Variants in ATRNL1 observed in about 807,000 individuals in gnomAD.
ATRNL1 encodes attractin-like protein 1.
Under a neutral mutation model 182.7 loss-of-function variants are expected in ATRNL1, and 95 were observed. The ratio of observed to expected loss-of-function variants is 0.52; its 90% CI spans 0.44 to 0.62. The LOEUF (loss-of-function observed/expected upper bound fraction) is 0.62, where lower values mean the gene tolerates loss of function less well. Among genes scored for constraint, ATRNL1 ranks in the 20% least tolerant of loss-of-function variants. ATRNL1 has a pLI of 0.00. For missense variants in ATRNL1, 1,471 were observed against 1,679.5 expected (o/e 0.88, Z 2.17); for synonymous variants, 576 against 568.3 (o/e 1.01, Z -0.19).
intron 8 of ATRNL1, among the ~76,000 whole-genome samples, chr10:115,206,146 T>G (rs1848787186): frequency 6.6e-6 from 1 of 152,154 alleles, no homozygotes; most frequent in South Asian, 2.1e-4. Context: ...CACTTCTTTC[T>G]GGCCTTTATG....
intron 25 of ATRNL1, among the ~76,000 whole-genome samples, chr10:115,535,524 A>G (rs529570245): frequency 6.6e-6 from 1 of 151,456 alleles, no homozygotes; most frequent in Non-Finnish European, 1.5e-5. Context: ...TTTTTTTCAA[A>G]GTTTTCAACT....
At position 115,334,370 on chromosome 10, in the gene ATRNL1, T is replaced by G. The variant is rs1855380160; in HGVS notation, c.3126T>G (p.Asp1042Glu). ...KNLTTGKQCQ[D>E]CMPGYYGDPT... is the part of the protein sequence containing the mutation. ...TCACCACAGGAAAGCAGTGTCAAGA[T>G]TGTATGCCAGGTTATTATGGAGATC... Residue 1042 changes from aspartate (D) to glutamate (E), a missense_variant, in exon 19 of 29, where the codon GAT becomes GAG. By Grantham distance (45) the Asp-to-Glu change is conservative. Around this residue, in one of 3 missense-constraint regions of ATRNL1, gnomAD observed 437 missense variants for 506.0 expected, o/e 0.86. Transcript: ENST00000355044. The G allele has an allele frequency of 6.2e-7, 1 of 1,607,138 alleles. No individual in the cohort carries two copies. The highest frequency in any genetic ancestry group is 8.5e-7 in the Non-Finnish European group (1 of 1,175,270).
intron 8 of ATRNL1, among the ~76,000 whole-genome samples, chr10:115,208,388 A>G (rs1848886292): frequency 6.6e-6 from 1 of 151,840 alleles, no homozygotes; most frequent in African/African-American, 2.4e-5. Flanking sequence ...ATTTTTTCAT[A>G]TGTTTTAGGC....
At chr10:115,204,176 T>A (rs150630857) in intron 8 of ATRNL1, among the ~76,000 whole-genome samples, 2 of 151,652 alleles carry the variant, frequency 1.3e-5, no homozygotes, top group African/African-American at 4.8e-5. Flanking sequence ...AATTTTTAAA[T>A]TTTTTTTTAC....
rs1845960817 is a variant in ATRNL1 at position 115,146,134 on chromosome 10, T to C, written c.830-13906T>C. Among the ~76,000 whole-genome samples the C allele has an allele frequency of 3.3e-5, 5 of 152,208 alleles. No individual in the cohort carries two copies. The South Asian group carries it at 1.0e-3, about 32-fold the overall frequency. On this transcript the variant is annotated intron_variant, in intron 5 of 28. Coordinates refer to ENST00000355044, the MANE Select transcript of ATRNL1 (RefSeq NM_207303.4). ...TGATAGAATTCAGAGTTAGCAATAT[T>C]TATTTAATGTGTTCAGTTGAAAACT...
chr10:115,788,601 G>A (rs1949451427), intron 27 of ATRNL1, among the ~76,000 whole-genome samples: 1 of 152,156 alleles, frequency 6.6e-6, no homozygotes, highest in South Asian at 2.1e-4. Flanking sequence ...GCATCCTCAA[G>A]CAGGTAATTA....
intron 5 of ATRNL1, among the ~76,000 whole-genome samples, chr10:115,154,568 C>G (rs893173863): frequency 6.6e-6 from 1 of 152,060 alleles, no homozygotes; most frequent in Non-Finnish European, 1.5e-5. Flanking sequence ...ATTGCAACCC[C>G]TGCCCTTTTT....
intron 26 of ATRNL1, among the ~76,000 whole-genome samples, chr10:115,582,731 C>A (rs1256934069): frequency 1.3e-5 from 2 of 149,294 alleles, no homozygotes; most frequent in Non-Finnish European, 3.0e-5. Flanking sequence ...TTTTGCTGTG[C>A]AGAAGCTCTT....
At chr10:115,623,163 A>G (rs961161973) in intron 26 of ATRNL1, among the ~76,000 whole-genome samples, 14 of 152,314 alleles carry the variant, frequency 9.2e-5, no homozygotes, top group Admixed American at 5.9e-4. Flanking sequence ...TTTATAAGGT[A>G]TATGGAACCC....
chr10:115,485,201 A>G (rs147829504), intron 24 of ATRNL1, among the ~76,000 whole-genome samples: 37 of 152,148 alleles, frequency 2.4e-4, no homozygotes, highest in African/African-American at 8.2e-4. Context: ...AAAAATATAT[A>G]TAACATTTAA....
intron 27 of ATRNL1, among the ~76,000 whole-genome samples, chr10:115,775,347 T>C (rs1555077601): frequency 6.6e-6 from 1 of 152,222 alleles, no homozygotes; most frequent in Non-Finnish European, 1.5e-5. Context: ...TAAAATAGTA[T>C]TCATTTTTAA....
intron 27 of ATRNL1, among the ~76,000 whole-genome samples, chr10:115,796,504 A>G (rs1194645942): frequency 1.3e-5 from 2 of 152,212 alleles, no homozygotes; most frequent in Non-Finnish European, 2.9e-5. Context: ...ACTGAAGTTC[A>G]TGGCCGAAGG....
At chr10:115,449,600 G>A (rs760116671) in intron 21 of ATRNL1, among the ~76,000 whole-genome samples, 8 of 152,124 alleles carry the variant, frequency 5.3e-5, no homozygotes, top group Non-Finnish European at 7.4e-5. Flanking sequence ...CAGGGGTTGT[G>A]GGTACCCCCC....
chr10:115,872,439 A>T (rs1407059412), intron 28 of ATRNL1, among the ~76,000 whole-genome samples: 2 of 152,216 alleles, frequency 1.3e-5, no homozygotes, highest in African/African-American at 4.8e-5. Flanking sequence ...TCACAAAGGT[A>T]GAAGTGTGTT....
chr10:115,327,986 A>G (rs1475298129), intron 18 of ATRNL1, among the ~76,000 whole-genome samples: 1 of 152,060 alleles, frequency 6.6e-6, no homozygotes, highest in Non-Finnish European at 1.5e-5. Flanking sequence ...ACCTAATGCT[A>G]GATGACGAGT....
chr10:115,414,806 C>T (rs542379765), intron 20 of ATRNL1, among the ~76,000 whole-genome samples: 14 of 151,912 alleles, frequency 9.2e-5, no homozygotes, highest in South Asian at 4.2e-4. Context: ...TTGAGTTTTA[C>T]ATTTTTTTTC....
intron 19 of ATRNL1, among the ~76,000 whole-genome samples, chr10:115,385,222 A>G (rs1182463190): frequency 1.3e-5 from 2 of 152,182 alleles, no homozygotes; most frequent in South Asian, 2.1e-4. Context: ...AGTGTCGTCA[A>G]CCTTTTTACA....
intron 24 of ATRNL1, among the ~76,000 whole-genome samples, chr10:115,479,623 A>AT (rs1381279689): frequency 1.3e-5 from 2 of 151,456 alleles, no homozygotes; most frequent in Non-Finnish European, 3.0e-5. Flanking sequence ...GTGTTATGTG[A>AT]TAAATATTCC....
intron 14 of ATRNL1, among the ~76,000 whole-genome samples, chr10:115,284,809 A>G (rs782477512): frequency 1.3e-5 from 2 of 152,238 alleles, no homozygotes; most frequent in Non-Finnish European, 2.9e-5. Flanking sequence ...ATTTACAAAA[A>G]TATAAAACAA....
Sources: gnomAD v4.1 joint callset for allele counts (sites outside exome capture counted in the v4.1 genomes callset) on GRCh38, gnomAD v4.1.1 for gene constraint, gnomAD v4.1.1 regional missense constraint, MANE v1.5 for transcripts, NCBI Gene and HGNC (gene_info 2026-07-23, HGNC 2026-07-21) for gene names.